The following DPYD variants were observed in gnomAD, a reference collection of about 807,000 sequenced individuals.
The protein encoded by DPYD is dihydropyrimidine dehydrogenase.
A neutral mutation model predicts 116.2 loss-of-function variants in DPYD; 109 were observed. The observed-to-expected ratio is 0.94, with a 90% confidence interval of 0.80 to 1.10. The LOEUF is 1.10. Among genes scored for constraint, DPYD ranks in the 50% least tolerant of loss-of-function variants. DPYD has a pLI of 0.00. For synonymous variants in DPYD, 440 were observed against 432.0 expected (o/e 1.02, Z -0.23); for missense variants, 1,302 against 1,254.5 (o/e 1.04, Z -0.57).
At chr1:97,080,165 A>G (rs1254285642) in intron 22 of DPYD, among the ~76,000 whole-genome samples, 2 of 151,994 alleles carry the variant, frequency 1.3e-5, no homozygotes, top group African/African-American at 4.8e-5. Context: ...CAAAAAAAAT[A>G]CAAGAGTTTT....
At chr1:97,735,605 G>A (rs559837275) in intron 4 of DPYD, among the ~76,000 whole-genome samples, 3 of 150,838 alleles carry the variant, frequency 2.0e-5, no homozygotes, top group South Asian at 2.1e-4. Context: ...GGAGAATGGC[G>A]TGAACCCGGG....
rs530097549 is a variant in DPYD, at chr1:97,803,364, T to G, written c.233+24750A>C. ...ACTAAGTTACTATAATAATCTTGTT[T>G]CATGCTCTTCCTTTACATATATTCC... On this transcript the variant is annotated intron_variant, in intron 3 of 22. Transcript: ENST00000370192. Among the ~76,000 whole-genome samples, 3 of 152,102 alleles carry G rather than the reference T, an allele frequency of 2.0e-5. No homozygotes were observed. In the East Asian group the frequency reaches 5.8e-4, roughly 29 times the overall value.
intron 11 of DPYD, among the ~76,000 whole-genome samples, chr1:97,554,335 C>A (rs888223746): frequency 1.3e-5 from 2 of 151,996 alleles, no homozygotes; most frequent in Non-Finnish European, 2.9e-5. Flanking sequence ...TAAATTAATT[C>A]TCCATAAACA....
chr1:97,170,984 C>T (rs1254893065), intron 20 of DPYD, among the ~76,000 whole-genome samples: 1 of 152,042 alleles, frequency 6.6e-6, no homozygotes, highest in Non-Finnish European at 1.5e-5. Flanking sequence ...ATCTTAAATA[C>T]TTTCAAAGAC....
At chr1:97,249,605 A>G (rs1662949058) in intron 18 of DPYD, among the ~76,000 whole-genome samples, 1 of 152,140 alleles carries the variant, frequency 6.6e-6, no homozygotes. Flanking sequence ...ATTTAAAAAA[A>G]AAATTGATAA....
chr1:97,720,789 A>G (rs1412603758), intron 5 of DPYD: 1 of 1,537,042 alleles, frequency 6.5e-7, no homozygotes, highest in Non-Finnish European at 8.7e-7. Flanking sequence ...TACCCTTCAT[A>G]TAAGCTGATC....
chr1:97,858,451 T>C (rs1360424171), intron 2 of DPYD, among the ~76,000 whole-genome samples: 1 of 152,188 alleles, frequency 6.6e-6, no homozygotes, highest in Non-Finnish European at 1.5e-5. Context: ...TTTTAATAAA[T>C]GCAGCTTATT....
At chr1:97,567,364 C>A (rs1308455458) in intron 11 of DPYD, among the ~76,000 whole-genome samples, 1 of 151,836 alleles carries the variant, frequency 6.6e-6, no homozygotes, top group African/African-American at 2.4e-5. Context: ...GAACTAACTG[C>A]AATCAATGTT....
rs191198291 is a variant in DPYD at position 97,846,291 on chromosome 1, T to C, written c.151-18095A>G. Among the ~76,000 whole-genome samples the C allele has an allele frequency of 2.3e-4, 35 of 152,294 alleles. No individual in the cohort carries two copies. The East Asian group carries it at 5.8e-3, about 25-fold the overall frequency. On this transcript the variant is annotated intron_variant, in intron 2 of 22. Coordinates refer to ENST00000370192, the MANE Select transcript of DPYD (RefSeq NM_000110.4). ...TGCTCTATGCATCTCCTCCAATTGG[T>C]TGTTCCTATGTTGCATTCCTTTATT...
intron 14 of DPYD, among the ~76,000 whole-genome samples, chr1:97,436,881 C>T (rs904976164): frequency 6.6e-5 from 10 of 151,646 alleles, no homozygotes; most frequent in African/African-American, 1.7e-4. Context: ...GCTAGGTAGC[C>T]GGGTGTTAGC....
intron 5 of DPYD, among the ~76,000 whole-genome samples, chr1:97,711,100 C>A (rs11588242): frequency 2.0e-5 from 3 of 151,760 alleles, no homozygotes; most frequent in African/African-American, 7.2e-5. Flanking sequence ...ATATTTATAT[C>A]TCCAATCCTA....
At chr1:97,602,186 T>C (rs981481245) in intron 8 of DPYD, among the ~76,000 whole-genome samples, 3 of 152,026 alleles carry the variant, frequency 2.0e-5, no homozygotes, top group Non-Finnish European at 4.4e-5. Context: ...GAATTTCTCT[T>C]TGTATTTAAT....
intron 22 of DPYD, 112 bp from the exon 23 acceptor site, chr1:97,079,258 T>A: frequency 9.2e-7 from 1 of 1,092,728 alleles, no homozygotes; most frequent in Non-Finnish European, 1.4e-6. Context: ...ATGAGACAAC[T>A]ACGTCCAGCT....
At chr1:97,191,222 A>G (rs1658336234) in intron 20 of DPYD, among the ~76,000 whole-genome samples, 2 of 152,142 alleles carry the variant, frequency 1.3e-5, no homozygotes, top group Middle Eastern at 3.4e-3. Flanking sequence ...AAAAAATTAT[A>G]GGACCAAAAA....
intron 19 of DPYD, among the ~76,000 whole-genome samples, chr1:97,206,656 AT>A (rs1557938086): frequency 9.8e-5 from 8 of 81,532 alleles, no homozygotes; most frequent in Middle Eastern, 4.7e-3. Context: ...ATATATATAT[AT>A]ATATATATAT....
At chr1:97,241,789 A>G (rs901483619) in intron 18 of DPYD, among the ~76,000 whole-genome samples, 1 of 151,868 alleles carries the variant, frequency 6.6e-6, no homozygotes, top group Non-Finnish European at 1.5e-5. Context: ...GGGAGTTTGG[A>G]TGTATTAGAT....
At chr1:97,417,024 C>T (rs1412486067) in intron 14 of DPYD, among the ~76,000 whole-genome samples, 1 of 152,126 alleles carries the variant, frequency 6.6e-6, no homozygotes, top group African/African-American at 2.4e-5. Context: ...AAATATGTTC[C>T]TTTTTAAAAT....
intron 13 of DPYD, among the ~76,000 whole-genome samples, chr1:97,476,493 A>C (rs969969908): frequency 4.6e-5 from 7 of 152,212 alleles, no homozygotes; most frequent in Admixed American, 3.3e-4. Flanking sequence ...TATACTTATC[A>C]AGTCAGAATT....
At chr1:97,124,318 G>C (rs1030413404) in intron 20 of DPYD, among the ~76,000 whole-genome samples, 1 of 151,924 alleles carries the variant, frequency 6.6e-6, no homozygotes, top group Non-Finnish European at 1.5e-5. Flanking sequence ...TAACTCTTAG[G>C]TTATTTATTT....
Sources: gnomAD v4.1 joint callset for allele counts (sites outside exome capture counted in the v4.1 genomes callset) on GRCh38, gnomAD v4.1.1 for gene constraint, MANE v1.5 for transcripts, NCBI Gene and HGNC (gene_info 2026-07-23, HGNC 2026-07-21) for gene names.